The following SEMA3D variants were observed in gnomAD, a reference collection of about 807,000 sequenced individuals.
SEMA3D encodes semaphorin-3D.
SEMA3D carries 84 observed loss-of-function variants against 100.1 expected under a neutral mutation model. The observed-to-expected ratio is 0.84, with a 90% CI of 0.70 to 1.01. SEMA3D has a LOEUF of 1.01. Ranked by LOEUF, SEMA3D falls within the 50% of genes least tolerant of loss-of-function variation. The pLI, the probability that SEMA3D is intolerant of heterozygous loss-of-function variation, is 0.00. For missense variants in SEMA3D, 875 were observed against 934.1 expected (o/e 0.94, Z 0.82); for synonymous variants, 312 against 320.7 (o/e 0.97, Z 0.29).
intron 9 of SEMA3D, among the ~76,000 whole-genome samples, chr7:85,046,887 G>C (rs902589672): frequency 6.6e-6 from 1 of 151,920 alleles, no homozygotes; most frequent in Non-Finnish European, 1.5e-5. Context: ...GAACACAATA[G>C]ATTTATCATT....
intron 3 of SEMA3D, among the ~76,000 whole-genome samples, chr7:85,104,732 A>C (rs1788859633): frequency 6.6e-6 from 1 of 151,950 alleles, no homozygotes; most frequent in Non-Finnish European, 1.5e-5. Context: ...AGAGATCCCG[A>C]ACTGGGTGGA....
rs571399703 is a variant in SEMA3D, at chr7:85,187,041, G to A, written c.-536C>T. Among the ~76,000 whole-genome samples, 2 of 152,152 alleles carry A rather than the reference G, an allele frequency of 1.3e-5. No homozygotes were observed. Among genetic ancestry groups the A allele is most frequent in the East Asian group, 1.9e-4 (1 of 5,172 alleles). On this transcript the variant is annotated 5_prime_UTR_variant, in exon 1 of 19. Coordinates refer to ENST00000284136, the MANE Select transcript of SEMA3D (RefSeq NM_001384900.1). ...TGTGACCGCAGCAGCTGTCCTGGGA[G>A]AGACTCAGTCTTTCTAAAAAGAGGA...
chr7:85,231,225 G>A, the SEMA3D span, among the ~76,000 whole-genome samples: 216 of 151,926 alleles, frequency 1.4e-3, 1 homozygote, highest in Middle Eastern at 0.014. Flanking sequence ...ATGCTGTAGC[G>A]TCTACTTTAT....
intron 1 of SEMA3D, among the ~76,000 whole-genome samples, chr7:85,158,340 AGGCCTCGAAAAT>A (rs1790653886): frequency 6.6e-6 from 1 of 152,136 alleles, no homozygotes; most frequent in South Asian, 2.1e-4. Context: ...CCCTGAGGGG[AGGCCTCGAAAAT>A]GGCCGCTTTG....
intron 2 of SEMA3D, among the ~76,000 whole-genome samples, chr7:85,123,122 C>T (rs1008923362): frequency 6.6e-6 from 1 of 152,028 alleles, no homozygotes; most frequent in African/African-American, 2.4e-5. Context: ...GGGTACACGG[C>T]AAGTAAGAGA....
At chr7:85,113,129 C>A (rs541815632) in intron 3 of SEMA3D, among the ~76,000 whole-genome samples, 58 of 152,212 alleles carry the variant, frequency 3.8e-4, no homozygotes, top group African/African-American at 1.3e-3. Flanking sequence ...TTAAGAAGAT[C>A]ATCTCTCAAA....
chr7:85,121,902 A>AT lies in SEMA3D; in HGVS notation c.-12dup. 1 of 1,543,172 alleles carries AT rather than the reference A, an allele frequency of 6.5e-7. No homozygotes were observed. The highest frequency in any genetic ancestry group is 8.8e-7 in the Non-Finnish European group (1 of 1,136,430). On this transcript the variant is annotated 5_prime_UTR_variant, in exon 3 of 19. Transcript: ENST00000284136. ...TTTATTAGCATTCATGATGAAAACA[A>AT]TGTTCTCTTTCAAATGGTGTTAATT...
At chr7:85,088,055 C>T (rs867794746) in intron 4 of SEMA3D, among the ~76,000 whole-genome samples, 2 of 152,034 alleles carry the variant, frequency 1.3e-5, no homozygotes, top group African/African-American at 4.8e-5. Flanking sequence ...TTTTCTCTGT[C>T]CAAAATCCAA....
At chr7:85,143,025 T>G (rs925425099) in intron 2 of SEMA3D, 11 of 953,926 alleles carry the variant, frequency 1.2e-5, no homozygotes, top group Non-Finnish European at 1.4e-5. Flanking sequence ...AATATGGCTT[T>G]CATATGTTTA....
intron 4 of SEMA3D, among the ~76,000 whole-genome samples, chr7:85,092,506 C>T (rs369576706): frequency 6.6e-6 from 1 of 151,878 alleles, no homozygotes; most frequent in Admixed American, 6.6e-5. Context: ...TAAGTTGTTT[C>T]GGCTGCAGAG....
the SEMA3D span, among the ~76,000 whole-genome samples, chr7:85,237,318 A>C: frequency 6.6e-6 from 1 of 152,294 alleles, no homozygotes; most frequent in African/African-American, 2.4e-5. Context: ...AGTTTACATT[A>C]GGATTTACTT....
At chr7:85,011,974 G>C (rs1414102292) in intron 17 of SEMA3D, among the ~76,000 whole-genome samples, 1 of 151,640 alleles carries the variant, frequency 6.6e-6, no homozygotes, top group Non-Finnish European at 1.5e-5. Context: ...TGGTGTGTGT[G>C]TGTGCATATA....
At chr7:85,127,578 A>C (rs1047993081) in intron 2 of SEMA3D, among the ~76,000 whole-genome samples, 4 of 152,148 alleles carry the variant, frequency 2.6e-5, no homozygotes, top group East Asian at 1.9e-4. Context: ...AATTGTAAAG[A>C]GGTCCCAAAG....
chr7:85,032,151 G>T (rs1159356095), intron 12 of SEMA3D, among the ~76,000 whole-genome samples: 1 of 151,850 alleles, frequency 6.6e-6, no homozygotes, highest in African/African-American at 2.4e-5. Flanking sequence ...GAATTACGTG[G>T]TCTTTATCAT....
intron 4 of SEMA3D, among the ~76,000 whole-genome samples, chr7:85,084,122 G>C (rs1306515466): frequency 6.6e-6 from 1 of 152,018 alleles, no homozygotes; most frequent in Non-Finnish European, 1.5e-5. Context: ...ACCCCAGCCT[G>C]GGCGACAGAG....
At chr7:85,155,312 G>A (rs1790557428) in intron 1 of SEMA3D, among the ~76,000 whole-genome samples, 1 of 152,072 alleles carries the variant, frequency 6.6e-6, no homozygotes, top group African/African-American at 2.4e-5. Context: ...ATTGCTAAGA[G>A]ATAAAAATAT....
In SEMA3D at chr7:85,179,306, C is replaced by T. The variant is rs532748107; in HGVS notation, c.-173+7372G>A. On this transcript the variant is annotated intron_variant, in intron 1 of 18. Coordinates refer to ENST00000284136, the MANE Select transcript of SEMA3D (RefSeq NM_001384900.1). ...CACTGTGCTGGAAAAGCCGCAGACA[C>T]TCAATGCTGACCTGTGAAAGCAGCC... is the stretch of plus-strand genomic sequence containing the variant. Among the ~76,000 whole-genome samples the T allele has an allele frequency of 4.6e-5, 7 of 152,288 alleles. No homozygotes were observed. The South Asian group carries it at 1.0e-3, about 23-fold the overall frequency.
At chr7:85,057,584 A>G (rs1266364158) in intron 8 of SEMA3D, among the ~76,000 whole-genome samples, 1 of 152,186 alleles carries the variant, frequency 6.6e-6, no homozygotes, top group Non-Finnish European at 1.5e-5. Flanking sequence ...CTGCAAATGT[A>G]CAGCAATTGG....
chr7:85,162,074 A>G (rs187433456), intron 1 of SEMA3D, among the ~76,000 whole-genome samples: 1 of 151,998 alleles, frequency 6.6e-6, no homozygotes, highest in Admixed American at 6.6e-5. Context: ...CCCAATTTGT[A>G]AAACGTGTTT....
Sources: allele counts gnomAD v4.1 joint callset (sites outside exome capture counted in the v4.1 genomes callset), GRCh38; gene constraint gnomAD v4.1.1; transcripts MANE v1.5; gene names NCBI Gene and HGNC (gene_info 2026-07-23, HGNC 2026-07-21).